Variants in PLEKHG4B observed in about 807,000 individuals in gnomAD.
The protein encoded by PLEKHG4B is pleckstrin homology domain-containing family G member 4B.
Under a neutral mutation model 121.3 loss-of-function variants are expected in PLEKHG4B, and 111 were observed. The ratio of observed to expected loss-of-function variants is 0.92; its 90% CI spans 0.78 to 1.07. PLEKHG4B has a LOEUF of 1.07. Among genes scored for constraint, PLEKHG4B ranks in the 50% least tolerant of loss-of-function variants. The probability of loss-of-function intolerance (pLI) is 0.00; values close to 1 mark genes in which losing one functional copy is unlikely to be tolerated. For missense variants in PLEKHG4B, 1,831 were observed against 1,757.8 expected (o/e 1.04, Z -0.74); for synonymous variants, 738 against 725.0 (o/e 1.02, Z -0.29).
At chr5:166,623 C>G (rs1042360023) in intron 13 of PLEKHG4B, among the ~76,000 whole-genome samples, 6 of 152,178 alleles carry the variant, frequency 3.9e-5, no homozygotes, top group African/African-American at 1.4e-4. Flanking sequence ...GCAACACTCC[C>G]TCGCCTGCCA....
rs1017197091 is a variant in PLEKHG4B, at chr5:113,125, C to T, written c.46-126C>T. The T allele has an allele frequency of 5.5e-5, 22 of 397,906 alleles. No homozygotes were observed. The highest frequency in any genetic ancestry group is 8.9e-5 in the Non-Finnish European group (20 of 225,984). The allele number at this position is 397,906 out of a possible 1,614,324, so 24.6% of individuals were successfully genotyped here. ...TGCACATTTTGTCTTTCTCAGTTAA[C>T]TCACATCATGCCAGACACAGGACAA... On this transcript the variant is annotated intron_variant, in intron 1 of 19. Coordinates refer to ENST00000637938, the MANE Select transcript of PLEKHG4B (RefSeq NM_052909.5). This position sits in a 1 kb window ranked among gnomAD's most constrained non-coding sequence, Gnocchi z 5.2.
Position 137,899 on chromosome 5 carries a change from A to G in PLEKHG4B, c.244-1584A>G, listed in dbSNP as rs1367678979. On this transcript the variant is annotated intron_variant, in intron 2 of 19. Coordinates refer to ENST00000637938, the MANE Select transcript of PLEKHG4B (RefSeq NM_052909.5). This position sits in a 1 kb window ranked among gnomAD's most constrained non-coding sequence, Gnocchi z 4.2. ...TGGAGGGGATGGAGGTGGCCCCACC[A>G]GGCATCCAGCCCAGGACACAGCTCC... 6.6e-6 allele frequency among the ~76,000 whole-genome samples: 1 copy of G among 152,188 alleles called. No homozygotes were observed. Among genetic ancestry groups the G allele is most frequent in the Non-Finnish European group, 1.5e-5 (1 of 68,028 alleles).
chr5:163,971 G>GC (rs1445223939), intron 13 of PLEKHG4B, among the ~76,000 whole-genome samples: 2 of 152,236 alleles, frequency 1.3e-5, no homozygotes, highest in Non-Finnish European at 2.9e-5. Context: ...CACTGAAGAG[G>GC]CCCCTTCTCA....
chr5:159,600 T>C lies in PLEKHG4B; in HGVS notation c.2488-2183T>C, dbSNP rs908079393. Reference sequence around the variant, plus strand: ...CCCTCTCCATACTAATCATGATGAGTCTGCACAGTCTGTGGCTTCTGTGGG... The same window carrying C: ...CCCTCTCCATACTAATCATGATGAGCCTGCACAGTCTGTGGCTTCTGTGGG... On this transcript the variant is annotated intron_variant, in intron 11 of 19. Coordinates refer to ENST00000637938, the MANE Select transcript of PLEKHG4B (RefSeq NM_052909.5). This position sits in a 1 kb window ranked among gnomAD's most constrained non-coding sequence, Gnocchi z 5.5. 5.3e-5 allele frequency among the ~76,000 whole-genome samples: 8 copies of C among 152,166 alleles called. No homozygotes were observed. Among genetic ancestry groups the C allele is most frequent in the African/African-American group, 1.9e-4 (8 of 41,428 alleles).
intron 1 of PLEKHG4B, among the ~76,000 whole-genome samples, chr5:98,899 G>A (rs1199190294): frequency 3.3e-5 from 3 of 92,188 alleles, no homozygotes; most frequent in Non-Finnish European, 6.0e-5. Flanking sequence ...TCTCATGCTT[G>A]TAATCCCAGC....
Position 154,872 on chromosome 5 carries a change from C to T in PLEKHG4B, c.1993-3C>T, listed in dbSNP as rs1447075524. ...ATGACCAACGAGTGCCTCTTCTTGG[C>T]AGTGTGAGGTCGTGAGCTCCCTGAA... On this transcript the variant is annotated splice_region_variant and splice_polypyrimidine_tract_variant and intron_variant, in intron 7 of 19. Transcript: ENST00000637938. 2.5e-6 allele frequency: 4 copies of T among 1,611,984 alleles called. No individual in the cohort carries two copies. The highest frequency in any genetic ancestry group is 1.7e-4 in the Middle Eastern group (1 of 6,056).
At chr5:122,407 T>TTATG (rs1481732974) in intron 2 of PLEKHG4B, among the ~76,000 whole-genome samples, 1 of 102,100 alleles carries the variant, frequency 9.8e-6, no homozygotes, top group Non-Finnish European at 1.9e-5. Context: ...TTATTTTTAT[T>TTATG]TATTTATTTA....
At chr5:145,743 G>T (rs1735386571) in intron 6 of PLEKHG4B, among the ~76,000 whole-genome samples, 1 of 152,154 alleles carries the variant, frequency 6.6e-6, no homozygotes, top group African/African-American at 2.4e-5. Flanking sequence ...AGCAGGGGCA[G>T]ATGGAAGCTC....
At chr5:112,763 A>C (rs6885311) in intron 1 of PLEKHG4B, among the ~76,000 whole-genome samples, 10,663 of 152,266 alleles carry the variant, frequency 0.07, 673 homozygotes, top group African/African-American at 0.17. Flanking sequence ...CTGAGAACAA[A>C]GTGGCGCGTG....
intron 1 of PLEKHG4B, among the ~76,000 whole-genome samples, chr5:109,397 CAAAAAAAA>C (rs34972342): frequency 8.1e-5 from 5 of 61,838 alleles, no homozygotes; most frequent in Non-Finnish European, 1.5e-4. Flanking sequence ...ACTCTGTCTC[CAAAAAAAA>C]AAAAAAAAAA....
chr5:99,205 TATATATA>T (rs1310891047), intron 1 of PLEKHG4B, among the ~76,000 whole-genome samples: 2 of 135,390 alleles, frequency 1.5e-5, no homozygotes, highest in African/African-American at 2.7e-5. Context: ...TATATATATA[TATATATA>T]TTTTGCGATT....
At chr5:123,622 T>G (rs1252862908) in intron 2 of PLEKHG4B, among the ~76,000 whole-genome samples, 1 of 152,218 alleles carries the variant, frequency 6.6e-6, no homozygotes, top group Non-Finnish European at 1.5e-5. Context: ...CTCTAGGAAT[T>G]AATCTAGATT....
chr5:158,308 A>T (rs561501637), intron 11 of PLEKHG4B, among the ~76,000 whole-genome samples: 5 of 84,994 alleles, frequency 5.9e-5, no homozygotes, highest in African/African-American at 9.5e-5. Context: ...GGTCTCCTCC[A>T]TCTCCTCTCC....
At position 140,639 on chromosome 5, in the gene PLEKHG4B, G is replaced by C. The variant is rs1234210062; in HGVS notation, c.1400G>C (p.Gly467Ala). 1 of 1,609,598 alleles carries C rather than the reference G, an allele frequency of 6.2e-7. No individual in the cohort carries two copies. Among genetic ancestry groups the C allele is most frequent in the Admixed American group, 1.7e-5 (1 of 59,694 alleles). ...TSHHSAGSRP[G>A]GHLGGQAVGT... ...CACCACTCAGCAGGCTCCAGGCCTG[G>C]GGGCCACCTAGGAGGACAAGCTGTG... Residue 467 changes from glycine (G) to alanine (A), a missense_variant, in exon 3 of 20, where the codon GGG (glycine) becomes GCG (alanine). Coordinates refer to ENST00000637938, the MANE Select transcript of PLEKHG4B (RefSeq NM_052909.5).
chr5:150,729 A>G (rs185380148), intron 6 of PLEKHG4B, among the ~76,000 whole-genome samples: 1 of 152,336 alleles, frequency 6.6e-6, no homozygotes, highest in Admixed American at 6.5e-5. Flanking sequence ...AATGAAACAC[A>G]CAAAAACAGT....
At chr5:174,943 T>TC (rs1310894898) in intron 18 of PLEKHG4B, among the ~76,000 whole-genome samples, 1 of 152,004 alleles carries the variant, frequency 6.6e-6, no homozygotes, top group African/African-American at 2.4e-5. Context: ...AGCCGCACTG[T>TC]CCATTTTCTT....
chr5:95,200 T>TAAAA (rs1733596215), intron 1 of PLEKHG4B, among the ~76,000 whole-genome samples: 1 of 152,216 alleles, frequency 6.6e-6, no homozygotes, highest in African/African-American at 2.4e-5. Flanking sequence ...TTTTACATGT[T>TAAAA]AAAACTGCTT....
intron 2 of PLEKHG4B, among the ~76,000 whole-genome samples, chr5:126,788 T>C (rs1205178152): frequency 6.6e-6 from 1 of 151,998 alleles, no homozygotes; most frequent in Non-Finnish European, 1.5e-5. Context: ...GGAGGTTTAA[T>C]AGGCAAAAGA....
chr5:116,362 C>T (rs144605790), intron 2 of PLEKHG4B, among the ~76,000 whole-genome samples: 168 of 152,154 alleles, frequency 1.1e-3, no homozygotes, highest in African/African-American at 3.9e-3. Flanking sequence ...ATCATCATAA[C>T]AGATATAATA....
Sources: allele counts gnomAD v4.1 joint callset (sites outside exome capture counted in the v4.1 genomes callset), GRCh38; gene constraint gnomAD v4.1.1; non-coding constraint Gnocchi (gnomAD v3.1); transcripts MANE v1.5; gene names NCBI Gene and HGNC (gene_info 2026-07-23, HGNC 2026-07-21).